CSMD3: variants seen among roughly 807,000 people sequenced by gnomAD.
CSMD3 encodes the protein CUB and Sushi multiple domains 3, also known as CUB and sushi domain-containing protein 3.
Under a neutral mutation model 435.2 loss-of-function variants are expected in CSMD3, and 177 were observed. The observed-to-expected ratio is 0.41, with a 90% confidence interval of 0.36 to 0.46. The LOEUF (loss-of-function observed/expected upper bound fraction) is 0.46. Ranked by LOEUF, CSMD3 falls within the 20% of genes least tolerant of loss-of-function variation. CSMD3 has a pLI of 0.34. For synonymous variants in CSMD3, 1,656 were observed against 1,520.5 expected (o/e 1.09, Z -2.07); for missense variants, 4,265 against 4,504.6 (o/e 0.95, Z 1.52).
chr8:112,293,724 A>G (rs1199213644), intron 54 of CSMD3, among the ~76,000 whole-genome samples: 1 of 152,098 alleles, frequency 6.6e-6, no homozygotes, highest in Non-Finnish European at 1.5e-5. Context: ...GAACTGTTTT[A>G]TTGCATTATC....
rs185522615 is a variant in CSMD3 at position 112,439,604 on chromosome 8, C to T, written c.5396-30572G>A. Among the ~76,000 whole-genome samples, 479 of 152,130 alleles carry T rather than the reference C, an allele frequency of 3.1e-3. 1 individual carries two copies. The highest frequency in any genetic ancestry group is 4.0e-3 in the Non-Finnish European group (270 of 68,000). ...TGTTATAAAGAACTGCCTGACACTA[C>T]GTAATTTATAAAGGAAAGAGGCTTA... On this transcript the variant is annotated intron_variant, in intron 32 of 70. Coordinates refer to ENST00000297405, the MANE Select transcript of CSMD3 (RefSeq NM_198123.2).
chr8:112,472,845 C>T (rs1818665870), intron 31 of CSMD3, 138 bp from the exon 32 acceptor site: 1 of 632,756 alleles, frequency 1.6e-6, no homozygotes, highest in South Asian at 1.8e-5. Context: ...TAATAAGATC[C>T]TCTAGTGTTA....
At chr8:112,497,855 G>A (rs1354122902) in intron 30 of CSMD3, among the ~76,000 whole-genome samples, 1 of 152,024 alleles carries the variant, frequency 6.6e-6, no homozygotes, top group Non-Finnish European at 1.5e-5. Flanking sequence ...AGACCCTGAA[G>A]TGGGCAATGA....
chr8:112,640,043 T>A (rs1483783868), intron 20 of CSMD3, among the ~76,000 whole-genome samples: 2 of 152,168 alleles, frequency 1.3e-5, no homozygotes, highest in Non-Finnish European at 2.9e-5. Flanking sequence ...ATAGACAACA[T>A]GGTTGCTCCG....
At chr8:112,885,746 A>G (rs1285069951) in intron 10 of CSMD3, among the ~76,000 whole-genome samples, 1 of 151,800 alleles carries the variant, frequency 6.6e-6, no homozygotes, top group East Asian at 1.9e-4. Flanking sequence ...TGTACAAATT[A>G]TGTCAAGAAA....
At chr8:113,281,219 T>C in intron 2 of CSMD3, among the ~76,000 whole-genome samples, 1 of 151,920 alleles carries the variant, frequency 6.6e-6, no homozygotes, top group South Asian at 2.1e-4. Context: ...ATCCATTGTT[T>C]CTTTGTTGAG....
At chr8:112,601,616 GGT>G (rs1407115967) in intron 22 of CSMD3, among the ~76,000 whole-genome samples, 3 of 152,152 alleles carry the variant, frequency 2.0e-5, no homozygotes, top group Non-Finnish European at 4.4e-5. Flanking sequence ...TCATCAAGAA[GGT>G]AGCATTTTGG....
In CSMD3 at chr8:112,406,675, G is replaced by A. The variant is rs370240116; in HGVS notation, c.5658C>T (p.Phe1886=). The A allele has an allele frequency of 2.1e-5, 34 of 1,611,894 alleles. No homozygotes were observed. The highest frequency in any genetic ancestry group is 6.7e-5 in the African/African-American group (5 of 74,962). ...CAAATTCATTGCCAATTCTTCTTCCGAATCTTGGTTCAGGCACAGAACTGC... is the reference window on the plus strand; with the variant it reads ...CAAATTCATTGCCAATTCTTCTTCCAAATCTTGGTTCAGGCACAGAACTGC... The part of the protein sequence containing the change: ...TQCSSVPEPR[F]GRRIGNEFAV... Residue 1886 remains phenylalanine (F), a synonymous_variant, in exon 35 of 71, where the codon TTC becomes TTT. Transcript: ENST00000297405.
chr8:112,868,332 T>C (rs1158604188), intron 10 of CSMD3, among the ~76,000 whole-genome samples: 3 of 152,120 alleles, frequency 2.0e-5, no homozygotes, highest in Admixed American at 1.3e-4. Flanking sequence ...AAGAGTACAC[T>C]CCAAAATGAT....
chr8:112,613,401 A>G (rs1272360605), intron 22 of CSMD3, among the ~76,000 whole-genome samples: 2 of 152,198 alleles, frequency 1.3e-5, no homozygotes, highest in African/African-American at 4.8e-5. Context: ...TTTATTTTAT[A>G]TTAATTTAAA....
At chr8:113,142,560 A>G (rs1009492844) in intron 4 of CSMD3, among the ~76,000 whole-genome samples, 4 of 151,182 alleles carry the variant, frequency 2.6e-5, no homozygotes, top group African/African-American at 9.7e-5. Flanking sequence ...AGCAACTGGA[A>G]ATCCAGAGTC....
At chr8:113,362,059 C>A (rs1449481265) in intron 1 of CSMD3, among the ~76,000 whole-genome samples, 2 of 152,116 alleles carry the variant, frequency 1.3e-5, no homozygotes, top group African/African-American at 2.4e-5. Context: ...TTCTCTAAAT[C>A]ATCTGGGAAA....
At chr8:112,487,650 G>A (rs967283641) in intron 31 of CSMD3, among the ~76,000 whole-genome samples, 4 of 152,154 alleles carry the variant, frequency 2.6e-5, no homozygotes, top group Admixed American at 6.6e-5. Flanking sequence ...GAGAACAAAG[G>A]AAGGAGAAAA....
At chr8:112,254,549 T>C (rs1815605987) in intron 62 of CSMD3, among the ~76,000 whole-genome samples, 1 of 152,044 alleles carries the variant, frequency 6.6e-6, no homozygotes, top group African/African-American at 2.4e-5. Context: ...TTCTTGAACT[T>C]TGAACCCTTC....
At chr8:112,806,816 T>C (rs2079099113) in intron 12 of CSMD3, among the ~76,000 whole-genome samples, 1 of 152,200 alleles carries the variant, frequency 6.6e-6, no homozygotes, top group Non-Finnish European at 1.5e-5. Context: ...TACCTGTTAG[T>C]AGTCATACAA....
At chr8:113,422,999 C>CA (rs1303006114) in intron 1 of CSMD3, among the ~76,000 whole-genome samples, 3 of 145,142 alleles carry the variant, frequency 2.1e-5, no homozygotes, top group Non-Finnish European at 2.9e-5. Context: ...CAAGTCTAAA[C>CA]AAAAAATGTA....
chr8:113,163,481 AT>A (rs985096560), intron 4 of CSMD3, among the ~76,000 whole-genome samples: 4 of 151,054 alleles, frequency 2.6e-5, no homozygotes, highest in Admixed American at 6.7e-5. Flanking sequence ...CTAAGTATAA[AT>A]TTTTTTGTTA....
chr8:112,676,703 C>A (rs936282019), intron 16 of CSMD3, among the ~76,000 whole-genome samples: 3 of 152,098 alleles, frequency 2.0e-5, no homozygotes, highest in African/African-American at 7.2e-5. Context: ...TATTCAGGAA[C>A]TGTTTCCTTC....
chr8:112,649,819 A>C (rs1314355357), intron 19 of CSMD3, among the ~76,000 whole-genome samples: 3 of 152,086 alleles, frequency 2.0e-5, no homozygotes, highest in East Asian at 3.9e-4. Context: ...CAAATGCTGC[A>C]TTTTTTTCAG....
Sources: gnomAD v4.1 joint callset for allele counts (sites outside exome capture counted in the v4.1 genomes callset) on GRCh38, gnomAD v4.1.1 for gene constraint, MANE v1.5 for transcripts, NCBI Gene and HGNC (gene_info 2026-07-23, HGNC 2026-07-21) for gene names.